The following NCOA3 variants were observed in gnomAD, a reference collection of about 807,000 sequenced individuals.
NCOA3 encodes nuclear receptor coactivator 3.
In NCOA3, 51 loss-of-function variants were observed where a neutral mutation model predicts 158.8. The observed-to-expected ratio is 0.32, with a 90% CI of 0.26 to 0.41. The LOEUF is 0.41. NCOA3 is among the 10% of genes least tolerant of loss of function. The pLI, the probability that NCOA3 is intolerant of heterozygous loss-of-function variation, is 1.00. For missense variants in NCOA3, 1,510 were observed against 1,746.6 expected, an observed-to-expected ratio of 0.86 and a Z score of 2.41; for synonymous variants, 537 against 592.4, an observed-to-expected ratio of 0.91 and a Z score of 1.36.
chr20:47,519,973 A>C (rs1021066233), intron 1 of NCOA3, among the ~76,000 whole-genome samples: 6 of 144,304 alleles, frequency 4.2e-5, no homozygotes, highest in African/African-American at 1.5e-4. Context: ...CATGTTGGTC[A>C]GGCTGGTCTC....
intron 1 of NCOA3, among the ~76,000 whole-genome samples, chr20:47,565,423 G>A (rs1415419405): frequency 1.3e-5 from 2 of 152,118 alleles, no homozygotes; most frequent in Non-Finnish European, 2.9e-5. Flanking sequence ...GTTTTAGATA[G>A]GTAGGGCAGG....
rs924439055 is a variant in NCOA3 at position 47,605,104 on chromosome 20, G to A, written c.-19-17125G>A. ...GATGGTCTCGATCTCTTGACCTCGT[G>A]ATCCGCCCGCCTTGGCCTCCCAAAG... On this transcript the variant is annotated intron_variant, in intron 2 of 22. Coordinates refer to ENST00000371998, the MANE Select transcript of NCOA3 (RefSeq NM_181659.3). Among the ~76,000 whole-genome samples the A allele has an allele frequency of 3.3e-5, 5 of 152,328 alleles. No individual in the cohort carries two copies. In the South Asian group the frequency reaches 8.3e-4, roughly 25 times the overall value.
rs961001788 is a variant in NCOA3, at chr20:47,653,770, G to C, written c.*353G>C. 3.2e-6 allele frequency: 1 copy of C among 309,340 alleles called. No homozygotes were observed. The highest frequency in any genetic ancestry group is 9.3e-5 in the South Asian group (1 of 10,802). The allele number at this position is 309,340 out of a possible 1,614,324, so 19.2% of individuals were successfully genotyped here. Reference sequence around the variant, plus strand: ...GCTAGCCAAAATCTCTTAAATACACGTAGGTGGGCCAGAGAACATTGGAAG... The same window carrying C: ...GCTAGCCAAAATCTCTTAAATACACCTAGGTGGGCCAGAGAACATTGGAAG... On this transcript the variant is annotated 3_prime_UTR_variant, in exon 23 of 23. Transcript: ENST00000371998.
In NCOA3 at chr20:47,642,138, T is replaced by G. The variant is rs146974668; in HGVS notation, c.3081-75T>G. ...GAGTTACTGTTCATTAAAAATACTA[T>G]GCATGGTTGCTGTGATCTATTACTC... On this transcript the variant is annotated intron_variant, in intron 16 of 22. Transcript: ENST00000371998. The G allele has an allele frequency of 6.3e-5, 68 of 1,084,612 alleles. No individual in the cohort carries two copies. The East Asian group carries it at 1.6e-3, about 26-fold the overall frequency. 67.2% of individuals were successfully genotyped at this position (1,084,612 alleles called of 1,614,324 possible).
At chr20:47,526,144 C>G (rs1249347343) in intron 1 of NCOA3, among the ~76,000 whole-genome samples, 1 of 150,074 alleles carries the variant, frequency 6.7e-6, no homozygotes, top group Non-Finnish European at 1.5e-5. Context: ...CAGAGGTGCT[C>G]CCCACATCTC....
intron 16 of NCOA3, 112 bp downstream of exon 16, chr20:47,640,163 T>A (rs1027141437): frequency 2.0e-5 from 28 of 1,428,700 alleles, no homozygotes; most frequent in Non-Finnish European, 2.5e-5. Context: ...ATAATTGAGG[T>A]ACTGGGTTGC....
chr20:47,513,125 C>T (rs2084173959), intron 1 of NCOA3, among the ~76,000 whole-genome samples: 1 of 152,034 alleles, frequency 6.6e-6, no homozygotes, highest in African/African-American at 2.4e-5. Flanking sequence ...GCCGAGATCC[C>T]ACCACTGCAC....
intron 1 of NCOA3, among the ~76,000 whole-genome samples, chr20:47,558,481 T>C (rs1027713488): frequency 6.6e-6 from 1 of 152,044 alleles, no homozygotes; most frequent in African/African-American, 2.4e-5. Flanking sequence ...TCTCTAAATA[T>C]AGTCACATTG....
At chr20:47,598,223 G>A (rs1349711053) in intron 2 of NCOA3, among the ~76,000 whole-genome samples, 1 of 144,210 alleles carries the variant, frequency 6.9e-6, no homozygotes, top group Admixed American at 6.9e-5. Flanking sequence ...CTCCAGCCTG[G>A]GCGATAGGGC....
intron 2 of NCOA3, among the ~76,000 whole-genome samples, chr20:47,617,280 AGT>A (rs953229869): frequency 1.3e-5 from 2 of 152,184 alleles, no homozygotes; most frequent in African/African-American, 4.8e-5. Flanking sequence ...AATCAAACTT[AGT>A]GTGAGACTGT....
chr20:47,653,203 A>C (rs2086824468), intron 22 of NCOA3, 131 bp downstream of exon 22: 2 of 1,283,404 alleles, frequency 1.6e-6, no homozygotes, highest in African/African-American at 3.0e-5. Flanking sequence ...ATAGTAATTG[A>C]AAAAACTTGG....
At chr20:47,646,359 T>C (rs1481993658) in intron 17 of NCOA3, among the ~76,000 whole-genome samples, 1 of 152,100 alleles carries the variant, frequency 6.6e-6, no homozygotes, top group African/African-American at 2.4e-5. Context: ...TGTGGAACCA[T>C]GGATATGGAG....
chr20:47,652,664 T>C, intron 21 of NCOA3, 84 bp downstream of exon 21: 2 of 1,349,954 alleles, frequency 1.5e-6, no homozygotes, highest in East Asian at 4.9e-5. Flanking sequence ...CAAGCCTTTT[T>C]GGATGGAGAG....
chr20:47,510,877 C>T (rs538484725), intron 1 of NCOA3, among the ~76,000 whole-genome samples: 2 of 152,172 alleles, frequency 1.3e-5, no homozygotes, highest in South Asian at 4.2e-4. Context: ...GCCATCGTGC[C>T]CAGTATAGTG....
intron 2 of NCOA3, 91 bp downstream of exon 2, chr20:47,583,352 T>G (rs1238115388): frequency 2.0e-5 from 8 of 394,200 alleles, no homozygotes; most frequent in Non-Finnish European, 3.6e-5. Context: ...TATGATTTAA[T>G]TAAAACTATT....
chr20:47,555,333 A>G (rs2146166610), intron 1 of NCOA3, among the ~76,000 whole-genome samples: 1 of 152,304 alleles, frequency 6.6e-6, no homozygotes, highest in East Asian at 1.9e-4. Flanking sequence ...ATCTAGAAAA[A>G]AGAATATTGG....
At chr20:47,635,790 A>T (rs1349628854) in intron 11 of NCOA3, 77 bp downstream of exon 11, 25 of 1,488,698 alleles carry the variant, frequency 1.7e-5, no homozygotes, top group Non-Finnish European at 1.9e-5. Context: ...AATTCTTGTA[A>T]AGTTAATCTA....
rs1430294932 is a variant in NCOA3, at chr20:47,639,045, T to A, written c.2550T>A (p.Pro850=). 3.1e-6 allele frequency: 5 copies of A among 1,613,588 alleles called. No individual in the cohort carries two copies. In the African/African-American group the frequency reaches 6.7e-5, roughly 22 times the overall value. ...CACAGTCTGTGCAGTCTATTCGTCC[T>A]CCATATAACCGAGCAGTGTCTCTGG... The part of the protein sequence containing the change: ...KSSQSVQSIR[P]PYNRAVSLDS... The change falls in exon 14 of 23, where the codon CCT becomes CCA. Residue 850 remains proline (P), a synonymous_variant. Transcript: ENST00000371998.
Position 47,636,660 on chromosome 20 carries a change from A to G in NCOA3, c.2274A>G (p.Gln758=), listed in dbSNP as rs759899489. The part of the protein sequence containing the change: ...SDALSKELQP[Q]VEGVDNKMSQ... ...CACTCTCTAAAGAACTACAGCCCCA[A>G]GTGGAAGGAGTGGATAATAAAATGA... Residue 758 remains glutamine (Q), a synonymous_variant, in exon 12 of 23, where the codon CAA becomes CAG. Transcript: ENST00000371998. 1.2e-6 allele frequency: 2 copies of G among 1,614,192 alleles called. No individual in the cohort carries two copies. Among genetic ancestry groups the G allele is most frequent in the Admixed American group, 1.7e-5 (1 of 60,036 alleles).
Sources: allele counts gnomAD v4.1 joint callset (sites outside exome capture counted in the v4.1 genomes callset), GRCh38; gene constraint gnomAD v4.1.1; transcripts MANE v1.5; gene names NCBI Gene and HGNC (gene_info 2026-07-23, HGNC 2026-07-21).